Variants in CHN1 observed in about 807,000 individuals in gnomAD.
CHN1 encodes chimerin 1.
A neutral mutation model predicts 59.5 loss-of-function variants in CHN1; 37 were observed. That is an observed-to-expected ratio of 0.62 (90% CI 0.48 to 0.82). The LOEUF (loss-of-function observed/expected upper bound fraction) is 0.82. Ranked by LOEUF, CHN1 falls within the 40% of genes least tolerant of loss-of-function variation. The pLI is 0.00. For missense variants in CHN1, 469 were observed against 571.0 expected (o/e 0.82, Z 1.82); for synonymous variants, 206 against 200.4 (o/e 1.03, Z -0.24).
chr2:175,005,010 TG>T lies in CHN1; in HGVS notation c.-99del. 6.8e-7 allele frequency: 1 copy of T among 1,473,858 alleles called. No homozygotes were observed. Among genetic ancestry groups the T allele is most frequent in the East Asian group, 2.8e-5 (1 of 35,798 alleles). 91.3% of individuals were successfully genotyped at this position (1,473,858 alleles called of 1,614,324 possible). A position where few individuals can be genotyped will look rare whatever the true frequency, so the allele number is the denominator to read the frequency against. ...CGCCGCACCCACACCTCGGAGAGAGTGGGGTGCCCGATGGGGCGTGCTGGGG... is the reference window on the plus strand; with the variant it reads ...CGCCGCACCCACACCTCGGAGAGAGTGGGTGCCCGATGGGGCGTGCTGGGG... On this transcript the variant is annotated 5_prime_UTR_variant, in exon 1 of 13. Coordinates refer to ENST00000409900, the MANE Select transcript of CHN1 (RefSeq NM_001822.7).
At position 174,799,309 on chromosome 2, in the gene CHN1, G is replaced by C. The variant is rs1684637698; in HGVS notation, c.*807C>G. On this transcript the variant is annotated 3_prime_UTR_variant, in exon 13 of 13. Transcript: ENST00000409900. ...TTATCACTTTTAACAGTAAACAAAA[G>C]AGGTCAGAAGAAGTACTCAGTATTT... 1 of 356,698 alleles carries C rather than the reference G, an allele frequency of 2.8e-6. No individual in the cohort carries two copies. The highest frequency in any genetic ancestry group is 2.5e-5 in the South Asian group (1 of 39,424). The allele number at this position is 356,698 out of a possible 1,614,324, so 22.1% of individuals were successfully genotyped here. A position where few individuals can be genotyped will look rare whatever the true frequency, so the allele number is the denominator to read the frequency against.
intron 7 of CHN1, among the ~76,000 whole-genome samples, chr2:174,840,936 A>G (rs1033574026): frequency 6.6e-6 from 1 of 152,168 alleles, no homozygotes; most frequent in African/African-American, 2.4e-5. Flanking sequence ...AAACATACTG[A>G]TAAGTAATTT....
chr2:174,886,518 A>T (rs1687900539), intron 5 of CHN1, among the ~76,000 whole-genome samples: 1 of 152,212 alleles, frequency 6.6e-6, no homozygotes, highest in Non-Finnish European at 1.5e-5. Flanking sequence ...AAGCTTGGAA[A>T]CAAGACAAAA....
chr2:174,888,904 A>G (rs577606248), intron 5 of CHN1, among the ~76,000 whole-genome samples: 1 of 152,306 alleles, frequency 6.6e-6, no homozygotes, highest in Non-Finnish European at 1.5e-5. Context: ...GCCACAGAGA[A>G]GCCAGTGCAG....
At position 174,824,452 on chromosome 2, in the gene CHN1, G is replaced by T; in HGVS notation, c.694C>A (p.Gln232Lys). The change falls in exon 8 of 13, where the codon CAG (glutamine) becomes AAG (lysine). Residue 232 changes from glutamine (Q) to lysine (K), a missense_variant. By Grantham distance (53) the Gln-to-Lys change is moderately conservative. Transcript: ENST00000409900. The part of the protein sequence containing the change: ...CANFMWGLIA[Q>K]GVKCADCGLN... The stretch of plus-strand genomic sequence containing the variant: ...CTCTTACCTGCACATTTCACTCCCT[G>T]AGCAATGAGACCCCACATAAAGTTG... The T allele has an allele frequency of 6.2e-7, 1 of 1,605,986 alleles. No individual in the cohort carries two copies. Among genetic ancestry groups the T allele is most frequent in the South Asian group, 1.1e-5 (1 of 88,992 alleles).
chr2:174,822,504 G>A (rs1685531372), intron 8 of CHN1, among the ~76,000 whole-genome samples: 1 of 152,082 alleles, frequency 6.6e-6, no homozygotes, highest in South Asian at 2.1e-4. Context: ...TTTTCAAAAT[G>A]GAAACAATAT....
In CHN1 at chr2:174,811,571, G is replaced by A. The variant is rs372315993; in HGVS notation, c.904C>T (p.Leu302=). Reference sequence around the variant, plus strand: ...TCACTAAATCCTGATACTCGGTATAGTCCTTCAGAATTAAGACCTGAAAAA... The same window carrying A: ...TCACTAAATCCTGATACTCGGTATAATCCTTCAGAATTAAGACCTGAAAAA... ...IESRGLNSEG[L]YRVSGFSDLI... The change falls in exon 10 of 13, where the codon CTA becomes TTA. Residue 302 remains leucine, a synonymous_variant. Coordinates refer to ENST00000409900, the MANE Select transcript of CHN1 (RefSeq NM_001822.7). 6 of 1,606,914 alleles carry A rather than the reference G, an allele frequency of 3.7e-6. No individual in the cohort carries two copies. The Admixed American group carries it at 1.0e-4, about 27-fold the overall frequency.
At chr2:174,912,572 T>C (rs567314472) in intron 5 of CHN1, among the ~76,000 whole-genome samples, 1 of 152,316 alleles carries the variant, frequency 6.6e-6, no homozygotes, top group Non-Finnish European at 1.5e-5. Flanking sequence ...ATAACACTGA[T>C]GGGTATAAAA....
chr2:174,987,415 T>C (rs1010850635), intron 1 of CHN1, among the ~76,000 whole-genome samples: 2 of 151,676 alleles, frequency 1.3e-5, no homozygotes, highest in Non-Finnish European at 2.9e-5. Flanking sequence ...TCTTTTTTTT[T>C]TTTTTTATTT....
intron 7 of CHN1, among the ~76,000 whole-genome samples, chr2:174,845,108 AAC>A (rs1447414708): frequency 6.6e-6 from 1 of 152,212 alleles, no homozygotes; most frequent in Admixed American, 6.5e-5. Flanking sequence ...GGAAGATACA[AAC>A]ACAAAAAGAG....
chr2:174,839,196 A>T (rs1450826718), intron 7 of CHN1, among the ~76,000 whole-genome samples: 2 of 152,116 alleles, frequency 1.3e-5, no homozygotes, highest in East Asian at 3.9e-4. Context: ...CTTAAAATCT[A>T]CTCTCAGAGA....
chr2:174,866,301 A>G lies in CHN1; in HGVS notation c.549+11539T>C, dbSNP rs532164151. Among the ~76,000 whole-genome samples the G allele has an allele frequency of 1.0e-3, 158 of 152,332 alleles. 1 individual carries two copies. The highest frequency in any genetic ancestry group is 3.4e-3 in the African/African-American group (140 of 41,574). ...GAATCTTAACACCAGATAAAACATT[A>G]AAGATCCATTACTGTTTAAGTACCT... is the stretch of plus-strand genomic sequence containing the variant. On this transcript the variant is annotated intron_variant, in intron 6 of 12. Coordinates refer to ENST00000409900, the MANE Select transcript of CHN1 (RefSeq NM_001822.7).
At chr2:174,892,866 A>T (rs1293200679) in intron 5 of CHN1, among the ~76,000 whole-genome samples, 1 of 152,218 alleles carries the variant, frequency 6.6e-6, no homozygotes, top group Non-Finnish European at 1.5e-5. Flanking sequence ...AAACCACATG[A>T]TCACCTCAAT....
intron 6 of CHN1, among the ~76,000 whole-genome samples, chr2:174,853,856 A>T (rs1356928839): frequency 2.0e-5 from 3 of 152,164 alleles, no homozygotes; most frequent in African/African-American, 7.2e-5. Flanking sequence ...AACCCAAATA[A>T]TGCATGTTCT....
intron 1 of CHN1, among the ~76,000 whole-genome samples, chr2:174,976,917 T>G (rs547363966): frequency 1.4e-4 from 21 of 152,268 alleles, no homozygotes; most frequent in Admixed American, 7.8e-4. Context: ...TCATAAAAGA[T>G]GAAAAAATAC....
At chr2:174,870,157 G>A (rs1687360313) in intron 6 of CHN1, among the ~76,000 whole-genome samples, 1 of 152,050 alleles carries the variant, frequency 6.6e-6, no homozygotes, top group African/African-American at 2.4e-5. Flanking sequence ...GGATAATAAG[G>A]CTGATTCCTT....
chr2:174,910,794 G>C (rs1377267804), intron 5 of CHN1, among the ~76,000 whole-genome samples: 1 of 151,700 alleles, frequency 6.6e-6, no homozygotes, highest in Non-Finnish European at 1.5e-5. Flanking sequence ...CAGCTACTCG[G>C]GAGGCTGAGG....
chr2:174,971,654 C>T (rs1451107563), intron 1 of CHN1, among the ~76,000 whole-genome samples: 4 of 152,056 alleles, frequency 2.6e-5, no homozygotes, highest in African/African-American at 9.7e-5. Flanking sequence ...GGTATTATTA[C>T]TAGTACCATT....
intron 3 of CHN1, among the ~76,000 whole-genome samples, chr2:174,937,909 T>C (rs1286273963): frequency 6.6e-6 from 1 of 152,184 alleles, no homozygotes; most frequent in African/African-American, 2.4e-5. Flanking sequence ...TTTCTTCTTG[T>C]ACATTCTGCA....
Sources: gnomAD v4.1 joint callset for allele counts (sites outside exome capture counted in the v4.1 genomes callset) on GRCh38, gnomAD v4.1.1 for gene constraint, MANE v1.5 for transcripts, NCBI Gene and HGNC (gene_info 2026-07-23, HGNC 2026-07-21) for gene names.